Variants in ARHGEF26 observed in about 807,000 individuals in gnomAD.
The protein encoded by ARHGEF26 is Rho guanine nucleotide exchange factor 26.
Under a neutral mutation model 89.4 loss-of-function variants are expected in ARHGEF26, and 59 were observed. That is an observed-to-expected ratio of 0.66 (90% CI 0.54 to 0.82). The LOEUF is 0.82. ARHGEF26 is among the 40% of genes least tolerant of loss of function. ARHGEF26 has a pLI of 0.00. For missense variants in ARHGEF26, 1,234 were observed against 1,085.6 expected, an observed-to-expected ratio of 1.14 and a Z score of -1.92; for synonymous variants, 500 against 428.4, an observed-to-expected ratio of 1.17 and a Z score of -2.06.
intron 6 of ARHGEF26, among the ~76,000 whole-genome samples, chr3:154,157,292 C>A (rs923914803): frequency 6.6e-6 from 1 of 152,010 alleles, no homozygotes; most frequent in Non-Finnish European, 1.5e-5. Context: ...TGGTAGTTGG[C>A]GAACACCTCC....
chr3:154,135,089 G>T (rs907990742), intron 4 of ARHGEF26, among the ~76,000 whole-genome samples: 3 of 152,094 alleles, frequency 2.0e-5, no homozygotes, highest in Admixed American at 1.3e-4. Context: ...GATGATGCTG[G>T]CCTCATAGAA....
intron 9 of ARHGEF26, among the ~76,000 whole-genome samples, chr3:154,210,239 T>G (rs913983753): frequency 6.6e-6 from 1 of 152,092 alleles, no homozygotes; most frequent in African/African-American, 2.4e-5. Flanking sequence ...GTGTTCTACC[T>G]TCCTGTGACC....
At position 154,121,455 on chromosome 3, in the gene ARHGEF26, C is replaced by T. The variant is rs1348108820; in HGVS notation, c.-116C>T. ...AAGCTCTCGCGGCTGCGCTTCGGTC[C>T]CGGACCCGGGCCACCCACGGGGTAG... On this transcript the variant is annotated 5_prime_UTR_variant, in exon 1 of 15. Transcript: ENST00000465093. The T allele has an allele frequency of 6.6e-6, 1 of 152,536 alleles. No individual in the cohort carries two copies. The highest frequency in any genetic ancestry group is 1.5e-5 in the Non-Finnish European group (1 of 68,330). 9.4% of individuals were successfully genotyped at this position (152,536 alleles called of 1,614,324 possible). A position where few individuals can be genotyped will look rare whatever the true frequency, so the allele number is the denominator to read the frequency against.
At position 154,217,978 on chromosome 3, in the gene ARHGEF26, A is replaced by G. The variant is rs1447998696; in HGVS notation, c.1935+20A>G. The G allele has an allele frequency of 6.5e-7, 1 of 1,543,180 alleles. No individual in the cohort carries two copies. The highest frequency in any genetic ancestry group is 8.8e-7 in the Non-Finnish European group (1 of 1,134,542). On this transcript the variant is annotated intron_variant, in intron 10 of 14. Transcript: ENST00000465093. ...ATTAAGGTATTCTCGTACCTTGTTC[A>G]TTACTGTTCTTGCCTATGTTTTTCT...
chr3:154,226,070 A>G (rs758004593), intron 11 of ARHGEF26, 60 bp downstream of exon 11: 123 of 1,484,186 alleles, frequency 8.3e-5, no homozygotes, highest in Middle Eastern at 5.3e-4. Context: ...TGTAATTCAG[A>G]TGCCTGTTAG....
At chr3:154,125,812 G>C (rs561762986) in intron 3 of ARHGEF26, among the ~76,000 whole-genome samples, 2 of 151,976 alleles carry the variant, frequency 1.3e-5, no homozygotes, top group Non-Finnish European at 2.9e-5. Context: ...TGTACATGAG[G>C]AATGCAGGAT....
intron 4 of ARHGEF26, among the ~76,000 whole-genome samples, chr3:154,142,222 T>G (rs917751949): frequency 6.6e-6 from 1 of 151,830 alleles, no homozygotes; most frequent in Admixed American, 6.6e-5. Flanking sequence ...ACTTTTTCTT[T>G]TTTTTTTTTT....
chr3:154,148,942 A>G (rs1719844196), intron 4 of ARHGEF26, among the ~76,000 whole-genome samples: 1 of 152,186 alleles, frequency 6.6e-6, no homozygotes, highest in Non-Finnish European at 1.5e-5. Context: ...TAGTGATGCT[A>G]GCCCAACCCT....
chr3:154,122,957 T>A lies in ARHGEF26; in HGVS notation c.965T>A (p.Val322Asp), dbSNP rs1718084601. Residue 322 changes from valine (V) to aspartate (D), a missense_variant, in exon 2 of 15, where the codon GTC becomes GAC. By Grantham distance (152) the Val-to-Asp change is radical (BLOSUM62 -3). Transcript: ENST00000465093. ...TCCACGTCTTATCGCAGGGCAGTGG[T>A]CAGTGGCTTTGATTTTGACAGTCCT... ...LRSTSYRRAV[V>D]SGFDFDSPTS... The A allele has an allele frequency of 6.2e-7, 1 of 1,613,544 alleles. No homozygotes were observed. Among genetic ancestry groups the A allele is most frequent in the African/African-American group, 1.3e-5 (1 of 74,876 alleles).
rs1430969091 is a variant in ARHGEF26, at chr3:154,239,940, A to G, written c.2091-430A>G. Among the ~76,000 whole-genome samples the G allele has an allele frequency of 3.3e-5, 5 of 151,904 alleles. No homozygotes were observed. The South Asian group carries it at 6.2e-4, about 19-fold the overall frequency. On this transcript the variant is annotated intron_variant, in intron 11 of 14. Coordinates refer to ENST00000465093, the MANE Select transcript of ARHGEF26 (RefSeq NM_015595.4). Reference sequence around the variant, plus strand: ...CCTCTGGGGCTCTTCTCTTCAATGCATGGTCATTTGGAGATGGGGGGTTTG... The same window carrying G: ...CCTCTGGGGCTCTTCTCTTCAATGCGTGGTCATTTGGAGATGGGGGGTTTG...
rs1474721087 is a variant in ARHGEF26 at position 154,256,548 on chromosome 3, T to TAAAAAA, written c.*1097_*1102dup. 55 of 651,490 alleles carry TAAAAAA rather than the reference T, an allele frequency of 8.4e-5. No individual in the cohort carries two copies. Among genetic ancestry groups the TAAAAAA allele is most frequent in the East Asian group, 2.3e-4 (1 of 4,316 alleles). 40.4% of individuals were successfully genotyped at this position (651,490 alleles called of 1,614,324 possible). ...GTGCCCAGCCTACTTTCTAATTAATTAAAAAAAAAAAAAAAAAAAAAAAAA... is the reference window on the plus strand; with the variant it reads ...GTGCCCAGCCTACTTTCTAATTAATTAAAAAAAAAAAAAAAAAAAAAAAAAAAAAAA... On this transcript the variant is annotated 3_prime_UTR_variant, in exon 15 of 15. Transcript: ENST00000465093.
At chr3:154,187,625 C>A (rs569124579) in intron 6 of ARHGEF26, 60 bp from the exon 7 acceptor site, 17 of 1,405,794 alleles carry the variant, frequency 1.2e-5, no homozygotes, top group Non-Finnish European at 1.5e-5. Context: ...TGAGGCTAAT[C>A]TGTTATCTGT....
intron 12 of ARHGEF26, among the ~76,000 whole-genome samples, chr3:154,246,697 A>G (rs1717820110): frequency 6.6e-6 from 1 of 152,108 alleles, no homozygotes; most frequent in African/African-American, 2.4e-5. Flanking sequence ...CCCTAACCCT[A>G]ATCCTGTTGG....
chr3:154,172,904 C>G (rs1712538204), intron 6 of ARHGEF26, among the ~76,000 whole-genome samples: 1 of 152,036 alleles, frequency 6.6e-6, no homozygotes, highest in African/African-American at 2.4e-5. Context: ...CATTTTATAA[C>G]TCTAAGTTGT....
Position 154,219,488 on chromosome 3 carries a change from G to A in ARHGEF26, c.1935+1530G>A, listed in dbSNP as rs59518948. The stretch of plus-strand genomic sequence containing the variant: ...CAGGCACCTGTAATCCCAGCTATTT[G>A]GGAAGCTGAGGCAGGAGAATTGCTT... On this transcript the variant is annotated intron_variant, in intron 10 of 14. Coordinates refer to ENST00000465093, the MANE Select transcript of ARHGEF26 (RefSeq NM_015595.4). 4.6e-3 allele frequency among the ~76,000 whole-genome samples: 692 copies of A among 151,838 alleles called. 4 individuals are homozygous for A. The highest frequency in any genetic ancestry group is 0.016 in the African/African-American group (667 of 41,374).
chr3:154,182,408 A>T (rs1338693741), intron 6 of ARHGEF26, among the ~76,000 whole-genome samples: 2 of 152,182 alleles, frequency 1.3e-5, no homozygotes, highest in Non-Finnish European at 2.9e-5. Flanking sequence ...GGGCACCTGT[A>T]AACCAATATT....
intron 9 of ARHGEF26, among the ~76,000 whole-genome samples, chr3:154,197,238 C>T (rs1206976541): frequency 6.6e-6 from 1 of 152,094 alleles, no homozygotes; most frequent in Non-Finnish European, 1.5e-5. Context: ...CTTCAGTCTC[C>T]CAGCGTTACA....
intron 9 of ARHGEF26, among the ~76,000 whole-genome samples, chr3:154,202,691 G>A (rs1291851476): frequency 6.6e-6 from 1 of 151,678 alleles, no homozygotes; most frequent in Non-Finnish European, 1.5e-5. Context: ...GCAGTGGTTT[G>A]TAGTTCTCCT....
intron 4 of ARHGEF26, among the ~76,000 whole-genome samples, chr3:154,132,185 A>AT (rs569106488): frequency 3.3e-5 from 5 of 151,964 alleles, no homozygotes; most frequent in Admixed American, 6.6e-5. Flanking sequence ...TTTTACTTTA[A>AT]TTTTTTTTGT....
Sources: gnomAD v4.1 joint callset for allele counts (sites outside exome capture counted in the v4.1 genomes callset) on GRCh38, gnomAD v4.1.1 for gene constraint, MANE v1.5 for transcripts, NCBI Gene and HGNC (gene_info 2026-07-23, HGNC 2026-07-21) for gene names.